Variants in GFI1B observed in about 807,000 individuals in gnomAD.
The protein encoded by GFI1B is growth factor independent 1B transcriptional repressor, also known as zinc finger protein Gfi-1b.
GFI1B carries 20 observed loss-of-function variants against 35.3 expected under a neutral mutation model. That is an observed-to-expected ratio of 0.57 (90% CI 0.40 to 0.82). The LOEUF is 0.82. GFI1B is among the 40% of genes least tolerant of loss of function. The pLI, the probability that GFI1B is intolerant of heterozygous loss-of-function variation, is 0.00. For missense variants in GFI1B, 430 were observed against 446.3 expected (o/e 0.96, Z 0.33); for synonymous variants, 178 against 177.6 (o/e 1.00, Z -0.02).
intron 1 of GFI1B, among the ~76,000 whole-genome samples, chr9:132,970,915 G>A (rs1043159985): frequency 2.6e-5 from 4 of 152,058 alleles, no homozygotes; most frequent in Non-Finnish European, 5.9e-5. Flanking sequence ...ATGTAAATTA[G>A]CACCACTCAC....
At position 132,989,535 on chromosome 9, in the gene GFI1B, G is replaced by A. The variant is rs572856004; in HGVS notation, c.649-207G>A. ...ACATTTATTGAGGTTTATTTTGAGC[G>A]GGATACCGTGAAGATTACAAGGAAA... is the stretch of plus-strand genomic sequence containing the variant. On this transcript the variant is annotated intron_variant, in intron 5 of 6. Coordinates refer to ENST00000372122, the MANE Select transcript of GFI1B (RefSeq NM_001377304.1). The surrounding 1 kb of genome is among the most constrained non-coding windows in gnomAD (Gnocchi z 6.2). 2.5e-5 allele frequency: 15 copies of A among 603,104 alleles called. No individual in the cohort carries two copies. Among genetic ancestry groups the A allele is most frequent in the Middle Eastern group, 4.4e-4 (1 of 2,294 alleles). The allele number at this position is 603,104 out of a possible 1,614,324, so 37.4% of individuals were successfully genotyped here. A position where few individuals can be genotyped will look rare whatever the true frequency, so the allele number is the denominator to read the frequency against.
intron 2 of GFI1B, among the ~76,000 whole-genome samples, chr9:132,973,628 C>G (rs1412736580): frequency 2.0e-5 from 3 of 151,970 alleles, no homozygotes; most frequent in Non-Finnish European, 2.9e-5. Flanking sequence ...TTCCTGGAGG[C>G]GTTGAGAGCT....
At chr9:132,957,719 C>T (rs1848302141) in intron 1 of GFI1B, among the ~76,000 whole-genome samples, 1 of 151,784 alleles carries the variant, frequency 6.6e-6, no homozygotes, top group Non-Finnish European at 1.5e-5. Flanking sequence ...GAGTAAGTGG[C>T]AGTTAGCCAG....
rs770253292 is a variant in GFI1B at position 132,986,793 on chromosome 9, G to C, written c.100+15G>C. The C allele has an allele frequency of 2.6e-6, 4 of 1,557,268 alleles. No individual in the cohort carries two copies. The African/African-American group carries it at 5.4e-5, about 21-fold the overall frequency. On this transcript the variant is annotated intron_variant, in intron 2 of 6. Coordinates refer to ENST00000372122, the MANE Select transcript of GFI1B (RefSeq NM_001377304.1). The stretch of plus-strand genomic sequence containing the variant: ...CCTTACCCCGGGTGAGTCAGAGCCC[G>C]GGCTGGCGCCTGCTGCACCCACGGG...
chr9:132,963,081 C>CAAA (rs763899545), intron 1 of GFI1B, among the ~76,000 whole-genome samples: 10 of 47,830 alleles, frequency 2.1e-4, no homozygotes, highest in East Asian at 1.4e-3. Flanking sequence ...GACTCCATCT[C>CAAA]AAAAAAAAAA....
chr9:132,973,057 G>A (rs1264699660), intron 2 of GFI1B, among the ~76,000 whole-genome samples: 2 of 152,252 alleles, frequency 1.3e-5, no homozygotes, highest in Admixed American at 1.3e-4. Context: ...GATGTACATA[G>A]AGCAGACGAG....
Position 132,989,980 on chromosome 9 carries a change from C to A in GFI1B, c.814+73C>A. On this transcript the variant is annotated intron_variant, in intron 6 of 6. Transcript: ENST00000372122. The surrounding 1 kb of genome is among the most constrained non-coding windows in gnomAD (Gnocchi z 6.2). ...CTTTCCCTGAGAGATGCATCAGAGG[C>A]CCCCAGCGTGAGGCTGGGGGCGGGG... 2 of 1,355,642 alleles carry A rather than the reference C, an allele frequency of 1.5e-6. No individual in the cohort carries two copies. Among genetic ancestry groups the A allele is most frequent in the Non-Finnish European group, 2.1e-6 (2 of 952,378 alleles). The allele number at this position is 1,355,642 out of a possible 1,614,324, so 84.0% of individuals were successfully genotyped here.
At chr9:132,964,931 G>A (rs573230337) in intron 1 of GFI1B, among the ~76,000 whole-genome samples, 21 of 151,432 alleles carry the variant, frequency 1.4e-4, no homozygotes, top group African/African-American at 4.8e-4. Flanking sequence ...GTAGAGATGG[G>A]GTTTCGCCAT....
upstream of GFI1B, among the ~76,000 whole-genome samples, chr9:132,975,542 T>TCA (rs1334695640): frequency 1.3e-5 from 2 of 152,228 alleles, no homozygotes; most frequent in African/African-American, 4.8e-5. Context: ...TATGTTTATA[T>TCA]CACAGCACTT....
chr9:132,980,268 C>G (rs1162825584), intron 1 of GFI1B, among the ~76,000 whole-genome samples: 3 of 152,168 alleles, frequency 2.0e-5, no homozygotes, highest in Non-Finnish European at 4.4e-5. Context: ...TTTTCAAAGG[C>G]TCTGGGACCA....
chr9:132,973,112 A>G (rs888020347), intron 2 of GFI1B, among the ~76,000 whole-genome samples: 3 of 152,206 alleles, frequency 2.0e-5, no homozygotes, highest in Non-Finnish European at 2.9e-5. Context: ...GAGGGCAGGG[A>G]CCACCGGGTC....
chr9:132,975,512 C>T (rs1332049661), upstream of GFI1B, among the ~76,000 whole-genome samples: 1 of 152,184 alleles, frequency 6.6e-6, no homozygotes. Flanking sequence ...TTCCAAATGC[C>T]CCAGGCTTCT....
upstream of GFI1B, among the ~76,000 whole-genome samples, chr9:132,974,655 G>A (rs1848595147): frequency 6.7e-6 from 1 of 149,556 alleles, no homozygotes; most frequent in South Asian, 2.1e-4. Context: ...TCAGATAAGT[G>A]TGAATGCTAA....
intron 1 of GFI1B, chr9:132,952,968 T>C (rs571160503): frequency 6.6e-6 from 1 of 152,360 alleles, no homozygotes; most frequent in East Asian, 1.9e-4. Context: ...TTGATCATGA[T>C]GTATTTTTAA....
chr9:132,971,848 C>G (rs1588419369), intron 1 of GFI1B, among the ~76,000 whole-genome samples: 1 of 151,866 alleles, frequency 6.6e-6, no homozygotes, highest in East Asian at 1.9e-4. Context: ...GTGGCACGTG[C>G]CTGTAATCCC....
chr9:132,974,977 T>A (rs1848599589), upstream of GFI1B: 1 of 151,994 alleles, frequency 6.6e-6, no homozygotes, highest in Admixed American at 6.6e-5. Flanking sequence ...TTAAATTGTG[T>A]TTCTGTACTG....
At chr9:132,966,778 G>A (rs1430003600) in intron 1 of GFI1B, among the ~76,000 whole-genome samples, 1 of 152,214 alleles carries the variant, frequency 6.6e-6, no homozygotes, top group Non-Finnish European at 1.5e-5. Context: ...ACAACCTACT[G>A]TTAGATGCCT....
chr9:132,964,564 C>G (rs1316108335), intron 1 of GFI1B, among the ~76,000 whole-genome samples: 1 of 152,094 alleles, frequency 6.6e-6, no homozygotes, highest in Non-Finnish European at 1.5e-5. Flanking sequence ...GTCACAATCA[C>G]TATCGCAAAA....
upstream of GFI1B, among the ~76,000 whole-genome samples, chr9:132,975,444 G>A (rs1176429667): frequency 3.9e-5 from 6 of 152,006 alleles, no homozygotes; most frequent in South Asian, 4.1e-4. Flanking sequence ...AACTAACTTA[G>A]CCTAGGCATC....
Sources: allele counts gnomAD v4.1 joint callset (sites outside exome capture counted in the v4.1 genomes callset), GRCh38; gene constraint gnomAD v4.1.1; non-coding constraint Gnocchi (gnomAD v3.1); transcripts MANE v1.5; gene names NCBI Gene and HGNC (gene_info 2026-07-23, HGNC 2026-07-21).